Variants in ANKRD33B observed in about 807,000 individuals in gnomAD.
The protein encoded by ANKRD33B is ankyrin repeat domain-containing protein 33B.
Under a neutral mutation model 21.5 loss-of-function variants are expected in ANKRD33B, and 6 were observed. The ratio of observed to expected loss-of-function variants is 0.28; its 90% CI spans 0.15 to 0.55. ANKRD33B has a LOEUF of 0.55. Ranked by LOEUF, ANKRD33B falls within the 20% of genes least tolerant of loss-of-function variation. The pLI is 0.94. For missense variants in ANKRD33B, 698 were observed against 747.2 expected (o/e 0.93, Z 0.77); for synonymous variants, 347 against 342.4 (o/e 1.01, Z -0.15).
Position 10,653,952 on chromosome 5 carries a change from G to GC in ANKRD33B, c.*3844dup, listed in dbSNP as rs1737419615. 1 of 152,532 alleles carries GC rather than the reference G, an allele frequency of 6.6e-6. No homozygotes were observed. Among genetic ancestry groups the GC allele is most frequent in the Admixed American group, 6.5e-5 (1 of 15,284 alleles). The allele number at this position is 152,532 out of a possible 1,614,324, so 9.4% of individuals were successfully genotyped here. A position where few individuals can be genotyped will look rare whatever the true frequency, so the allele number is the denominator to read the frequency against. On this transcript the variant is annotated 3_prime_UTR_variant, in exon 4 of 4. Coordinates refer to ENST00000296657, the MANE Select transcript of ANKRD33B (RefSeq NM_001164440.2). Reference sequence around the variant, plus strand: ...TTCACCTGTCAGTGGCCACCACAGTGCCCCCTCTGGCTTTGCCACCACGTT... The same window carrying GC: ...TTCACCTGTCAGTGGCCACCACAGTGCCCCCCTCTGGCTTTGCCACCACGTT...
intron 1 of ANKRD33B, among the ~76,000 whole-genome samples, chr5:10,607,663 T>C (rs1173792185): frequency 6.6e-6 from 1 of 152,178 alleles, no homozygotes; most frequent in Non-Finnish European, 1.5e-5. Context: ...CGCCCATACT[T>C]GAGTGAATCT....
In ANKRD33B at chr5:10,650,307, T is replaced by TTG; in HGVS notation, c.*194_*195insTG. ...TGAGGGAGCCACATGGATTCGCTTG[T>TTG]CGCCAGCCCTCCTAGCAATCAGTAC... On this transcript the variant is annotated 3_prime_UTR_variant, in exon 4 of 4. Transcript: ENST00000296657. The TTG allele has an allele frequency of 2.0e-6, 1 of 504,284 alleles. No individual in the cohort carries two copies. The highest frequency in any genetic ancestry group is 3.9e-5 in the East Asian group (1 of 25,546). 31.2% of individuals were successfully genotyped at this position (504,284 alleles called of 1,614,324 possible).
chr5:10,633,402 C>G (rs547878517), intron 2 of ANKRD33B, among the ~76,000 whole-genome samples: 1 of 150,472 alleles, frequency 6.6e-6, no homozygotes, highest in South Asian at 2.1e-4. Flanking sequence ...CCAAGCCTAT[C>G]TCCTCTTTTT....
chr5:10,588,332 C>T (rs1435128557), intron 1 of ANKRD33B, among the ~76,000 whole-genome samples: 1 of 152,084 alleles, frequency 6.6e-6, no homozygotes, highest in African/African-American at 2.4e-5. Flanking sequence ...TTTTAATGAC[C>T]ACAATGTACT....
chr5:10,582,672 C>T (rs1053298158), intron 1 of ANKRD33B, among the ~76,000 whole-genome samples: 1 of 152,220 alleles, frequency 6.6e-6, no homozygotes, highest in African/African-American at 2.4e-5. Context: ...GCTGCCTGCT[C>T]CCTGTTCCGC....
intron 1 of ANKRD33B, among the ~76,000 whole-genome samples, chr5:10,581,793 C>T (rs1417634137): frequency 2.0e-5 from 3 of 152,200 alleles, no homozygotes; most frequent in Non-Finnish European, 4.4e-5. Flanking sequence ...GAAATTCTGC[C>T]TCAAAGCTGC....
At chr5:10,644,857 T>C (rs1737157562) in intron 3 of ANKRD33B, among the ~76,000 whole-genome samples, 1 of 151,980 alleles carries the variant, frequency 6.6e-6, no homozygotes, top group African/African-American at 2.4e-5. Context: ...TTTTGAGGGA[T>C]GGTGGCCCCA....
intron 1 of ANKRD33B, among the ~76,000 whole-genome samples, chr5:10,581,149 C>A (rs541993037): frequency 1.3e-5 from 2 of 152,222 alleles, no homozygotes; most frequent in South Asian, 4.1e-4. Context: ...GGGCCTGGTC[C>A]CACCCCTTAA....
intron 1 of ANKRD33B, among the ~76,000 whole-genome samples, chr5:10,601,939 G>C (rs981141262): frequency 5.9e-5 from 9 of 152,234 alleles, no homozygotes; most frequent in African/African-American, 2.2e-4. Flanking sequence ...TGGTGCACAT[G>C]AGAACAAGAC....
chr5:10,636,732 C>T (rs984880913), intron 2 of ANKRD33B, among the ~76,000 whole-genome samples: 3 of 152,158 alleles, frequency 2.0e-5, no homozygotes, highest in Non-Finnish European at 2.9e-5. Flanking sequence ...TCAGCAGGGG[C>T]CTGGATGGAG....
intron 1 of ANKRD33B, among the ~76,000 whole-genome samples, chr5:10,593,658 CTCCAACCTCTT>C (rs1011183807): frequency 2.0e-5 from 3 of 151,782 alleles, no homozygotes; most frequent in Admixed American, 1.3e-4. Flanking sequence ...TCCAGCCTCT[CTCCAACCTCTT>C]CTCCTCCCGG....
At chr5:10,640,437 T>A (rs561599208) in intron 3 of ANKRD33B, among the ~76,000 whole-genome samples, 1 of 152,346 alleles carries the variant, frequency 6.6e-6, no homozygotes, top group South Asian at 2.1e-4. Flanking sequence ...AATGAGCTAC[T>A]AAGCTAAATG....
rs985278740 is a variant in ANKRD33B, at chr5:10,643,644, C to G, written c.637+5476C>G. ...CAGCCTGGCCAACATGGTGAAATCC[C>G]GCCTCTACTGAAAATACAAAAAAAA... On this transcript the variant is annotated intron_variant, in intron 3 of 3. Coordinates refer to ENST00000296657, the MANE Select transcript of ANKRD33B (RefSeq NM_001164440.2). Among the ~76,000 whole-genome samples the G allele has an allele frequency of 4.5e-4, 68 of 151,462 alleles. 1 individual carries two copies. The highest frequency in any genetic ancestry group is 1.6e-3 in the African/African-American group (65 of 41,278).
In ANKRD33B at chr5:10,649,613, C is replaced by T; in HGVS notation, c.985C>T (p.Pro329Ser). Residue 329 changes from proline (P) to serine (S), a missense_variant, in exon 4 of 4, where the codon CCT (proline) becomes TCT (serine). Physicochemically the swap from Pro to Ser is moderately conservative, Grantham distance 74. Around this residue, in one of 3 missense-constraint regions of ANKRD33B, gnomAD observed 543 missense variants for 566.5 expected, o/e 0.96. Transcript: ENST00000296657. ...GGCCATCGTGTGCCAGACCGTGTGC[C>T]CTGAGAGCCCTCCGAGCGTGGGGAA... ...AVAIVCQTVC[P>S]ESPPSVGKRR... 10 of 1,531,090 alleles carry T rather than the reference C, an allele frequency of 6.5e-6. No individual in the cohort carries two copies. The highest frequency in any genetic ancestry group is 8.7e-6 in the Non-Finnish European group (10 of 1,144,726). 94.8% of individuals were successfully genotyped at this position (1,531,090 alleles called of 1,614,324 possible). A position where few individuals can be genotyped will look rare whatever the true frequency, so the allele number is the denominator to read the frequency against.
At position 10,612,369 on chromosome 5, in the gene ANKRD33B, T is replaced by A. The variant is rs530625776; in HGVS notation, c.367-5964T>A. ...CACAGGGTGGAGAAGGCAAGGCAGC[T>A]CTCTGGGTCCTCTTGTATAAGGGCA... On this transcript the variant is annotated intron_variant, in intron 1 of 3. Coordinates refer to ENST00000296657, the MANE Select transcript of ANKRD33B (RefSeq NM_001164440.2). 1.3e-4 allele frequency among the ~76,000 whole-genome samples: 20 copies of A among 152,346 alleles called. No individual in the cohort carries two copies. In the South Asian group the frequency reaches 4.1e-3, roughly 32 times the overall value.
At chr5:10,564,879 C>T in intron 1 of ANKRD33B, 46 bp downstream of exon 1, 1 of 1,454,328 alleles carries the variant, frequency 6.9e-7, no homozygotes, top group Non-Finnish European at 9.1e-7. Flanking sequence ...ACTGCCCCCA[C>T]TCCCCTCCTC....
In ANKRD33B at chr5:10,652,331, C is replaced by G. The variant is rs1028592103; in HGVS notation, c.*2218C>G. ...CTCCGCAGGTAACTGCACTGCAGCC[C>G]GCATTGAGAACCGCAGCTCTAACAC... is the stretch of plus-strand genomic sequence containing the variant. On this transcript the variant is annotated 3_prime_UTR_variant, in exon 4 of 4. Coordinates refer to ENST00000296657, the MANE Select transcript of ANKRD33B (RefSeq NM_001164440.2). This position sits in a 1 kb window ranked among gnomAD's most constrained non-coding sequence, Gnocchi z 4.1. 6.6e-6 allele frequency: 1 copy of G among 152,414 alleles called. No individual in the cohort carries two copies. The highest frequency in any genetic ancestry group is 2.4e-5 in the African/African-American group (1 of 41,454). The allele number at this position is 152,414 out of a possible 1,614,324, so 9.4% of individuals were successfully genotyped here. A position where few individuals can be genotyped will look rare whatever the true frequency, so the allele number is the denominator to read the frequency against.
chr5:10,639,813 GCGGGTGAC>G, intron 3 of ANKRD33B, among the ~76,000 whole-genome samples: 1 of 10,532 alleles, frequency 9.5e-5, no homozygotes, highest in Non-Finnish European at 2.0e-4. Flanking sequence ...GGCGATGTTA[GCGGGTGAC>G]GCGGAGTTGC....
intron 2 of ANKRD33B, among the ~76,000 whole-genome samples, chr5:10,621,375 A>G (rs115324404): frequency 0.023 from 3,532 of 152,304 alleles, 80 homozygotes; most frequent in Non-Finnish European, 0.037. Flanking sequence ...AAAAAAAAAT[A>G]TTTAAAAAAT....
Sources: gnomAD v4.1 joint callset for allele counts (sites outside exome capture counted in the v4.1 genomes callset) on GRCh38, gnomAD v4.1.1 for gene constraint, gnomAD v4.1.1 regional missense constraint, Gnocchi (gnomAD v3.1) non-coding constraint, MANE v1.5 for transcripts, NCBI Gene and HGNC (gene_info 2026-07-23, HGNC 2026-07-21) for gene names.